DCDC2: variants seen among roughly 807,000 people sequenced by gnomAD.
The protein encoded by DCDC2 is doublecortin domain containing 2, also known as doublecortin domain-containing protein 2.
DCDC2 carries 40 observed loss-of-function variants against 50.2 expected under a neutral mutation model. The ratio of observed to expected loss-of-function variants is 0.80; its 90% CI spans 0.62 to 1.04. DCDC2 has a LOEUF of 1.04. Among genes scored for constraint, DCDC2 ranks in the 50% least tolerant of loss-of-function variants. DCDC2 has a pLI of 0.00. For synonymous variants in DCDC2, 234 were observed against 210.6 expected (o/e 1.11, Z -0.96); for missense variants, 570 against 581.9 (o/e 0.98, Z 0.21).
At chr6:24,373,620 T>C in the DCDC2 span, among the ~76,000 whole-genome samples, 1 of 152,166 alleles carries the variant, frequency 6.6e-6, no homozygotes, top group Non-Finnish European at 1.5e-5. Flanking sequence ...CATCGGGATG[T>C]AGACTGGGGA....
At chr6:24,314,401 C>T (rs1452880924) in intron 2 of DCDC2, among the ~76,000 whole-genome samples, 3 of 151,902 alleles carry the variant, frequency 2.0e-5, no homozygotes, top group Non-Finnish European at 4.4e-5. Flanking sequence ...TGAGCCTAGG[C>T]GTTCCAGGTT....
chr6:24,292,517 T>G (rs1480410644), intron 4 of DCDC2, among the ~76,000 whole-genome samples: 3 of 152,260 alleles, frequency 2.0e-5, no homozygotes, highest in Non-Finnish European at 4.4e-5. Flanking sequence ...TATAACATTG[T>G]ACCTCTACTC....
intron 2 of DCDC2, among the ~76,000 whole-genome samples, chr6:24,337,349 A>G (rs1412657963): frequency 6.6e-6 from 1 of 152,194 alleles, no homozygotes; most frequent in Non-Finnish European, 1.5e-5. Context: ...CAGATATGCC[A>G]AAGCCTTTTC....
rs1370865359 is a variant in DCDC2 at position 24,173,735 on chromosome 6, C to T, written c.*995G>A. On this transcript the variant is annotated 3_prime_UTR_variant, in exon 10 of 10. Transcript: ENST00000378454. ...GGAAAAATAAATATTTGCTGATATCCCTAGGGCAAAAACATAGTAAAACAG... is the reference window on the plus strand; with the variant it reads ...GGAAAAATAAATATTTGCTGATATCTCTAGGGCAAAAACATAGTAAAACAG... 1 of 151,966 alleles carries T rather than the reference C, an allele frequency of 6.6e-6. No individual in the cohort carries two copies. Among genetic ancestry groups the T allele is most frequent in the Non-Finnish European group, 1.5e-5 (1 of 68,002 alleles). The allele number at this position is 151,966 out of a possible 1,614,324, so 9.4% of individuals were successfully genotyped here.
intron 7 of DCDC2, among the ~76,000 whole-genome samples, chr6:24,268,979 C>G (rs554038461): frequency 1.1e-4 from 16 of 152,162 alleles, no homozygotes; most frequent in Non-Finnish European, 1.9e-4. Context: ...TAGCTTTAAA[C>G]CTACAAAGCT....
At chr6:24,315,050 T>G (rs1759636669) in intron 2 of DCDC2, among the ~76,000 whole-genome samples, 1 of 152,162 alleles carries the variant, frequency 6.6e-6, no homozygotes, top group Non-Finnish European at 1.5e-5. Context: ...TTCATGTCCG[T>G]TTTCCCCATT....
intron 2 of DCDC2, among the ~76,000 whole-genome samples, chr6:24,320,491 C>A (rs1173032263): frequency 1.3e-5 from 2 of 152,092 alleles, no homozygotes; most frequent in African/African-American, 4.8e-5. Context: ...GCCACCACAA[C>A]TGGCTAATTT....
At chr6:24,302,643 T>C (rs1246838903) in intron 2 of DCDC2, among the ~76,000 whole-genome samples, 9 of 151,200 alleles carry the variant, frequency 6.0e-5, no homozygotes, top group Admixed American at 5.2e-4. Context: ...GTGATCACCT[T>C]TGCCTCTCTT....
At chr6:24,275,866 ATTTTTTTTTT>A (rs10685261) in intron 7 of DCDC2, among the ~76,000 whole-genome samples, 2 of 108,120 alleles carry the variant, frequency 1.8e-5, no homozygotes, top group Admixed American at 1.2e-4. Context: ...CAATAATTCA[ATTTTTTTTTT>A]TTTTTTTTTT....
intron 7 of DCDC2, among the ~76,000 whole-genome samples, chr6:24,235,854 A>C (rs1762431352): frequency 6.6e-6 from 1 of 152,216 alleles, no homozygotes; most frequent in African/African-American, 2.4e-5. Flanking sequence ...AATCCCATTT[A>C]CAATAGCCAT....
At chr6:24,220,873 A>AGAGCGAGAGCGAGAGAGCGAGCGAGC (rs1762085010) in intron 7 of DCDC2, among the ~76,000 whole-genome samples, 1 of 143,670 alleles carries the variant, frequency 7.0e-6, no homozygotes, top group African/African-American at 2.5e-5. Flanking sequence ...AGAGAGCAAG[A>AGAGCGAGAGCGAGAGAGCGAGCGAGC]GAGCGAGAGC....
intron 7 of DCDC2, among the ~76,000 whole-genome samples, chr6:24,218,646 C>T (rs1436737906): frequency 1.3e-5 from 2 of 152,138 alleles, no homozygotes; most frequent in Non-Finnish European, 2.9e-5. Flanking sequence ...CATCATCACA[C>T]CTGACTAATT....
chr6:24,380,095 T>C, the DCDC2 span, among the ~76,000 whole-genome samples: 83,824 of 151,446 alleles, frequency 0.55, 24,775 homozygotes, highest in East Asian at 0.8. Context: ...ATGTAAATGA[T>C]GGGTTGATGG....
chr6:24,217,158 G>A (rs1268075634), intron 7 of DCDC2, among the ~76,000 whole-genome samples: 1 of 151,776 alleles, frequency 6.6e-6, no homozygotes, highest in Non-Finnish European at 1.5e-5. Context: ...AATAGCCAAA[G>A]AGAAATCAGG....
At chr6:24,359,476 T>C (rs1446734635), upstream of DCDC2, among the ~76,000 whole-genome samples, 2 of 6,626 alleles carry the variant, frequency 3.0e-4, no homozygotes, top group Non-Finnish European at 4.9e-4. Flanking sequence ...ATATAATATA[T>C]ATTTTATATA....
rs187190513 is a variant in DCDC2, at chr6:24,267,051, G to C, written c.922+10998C>G. On this transcript the variant is annotated intron_variant, in intron 7 of 9. Coordinates refer to ENST00000378454, the MANE Select transcript of DCDC2 (RefSeq NM_016356.5). Reference sequence around the variant, plus strand: ...TCATTATGTTAAGTGAAATAATCCAGGCACAAAGACAAACTTTGCATGTTC... The same window carrying C: ...TCATTATGTTAAGTGAAATAATCCACGCACAAAGACAAACTTTGCATGTTC... Among the ~76,000 whole-genome samples the C allele has an allele frequency of 1.2e-4, 18 of 152,236 alleles. No individual in the cohort carries two copies. The East Asian group carries it at 3.5e-3, about 29-fold the overall frequency.
intron 7 of DCDC2, among the ~76,000 whole-genome samples, chr6:24,260,795 G>T (rs558130708): frequency 6.6e-6 from 1 of 152,202 alleles, no homozygotes; most frequent in East Asian, 1.9e-4. Flanking sequence ...AAGTGCCAGA[G>T]AAAATATGGA....
chr6:24,301,230 G>C (rs1346992148), intron 4 of DCDC2, among the ~76,000 whole-genome samples: 3 of 151,792 alleles, frequency 2.0e-5, no homozygotes, highest in Admixed American at 1.3e-4. Flanking sequence ...AATTAGCCGG[G>C]CGTGGTGGTG....
At chr6:24,342,425 C>A (rs1760175326) in intron 2 of DCDC2, among the ~76,000 whole-genome samples, 1 of 152,164 alleles carries the variant, frequency 6.6e-6, no homozygotes, top group African/African-American at 2.4e-5. Flanking sequence ...CGGACTGCTG[C>A]CAGTCACTCC....
Sources: allele counts gnomAD v4.1 joint callset (sites outside exome capture counted in the v4.1 genomes callset), GRCh38; gene constraint gnomAD v4.1.1; transcripts MANE v1.5; gene names NCBI Gene and HGNC (gene_info 2026-07-23, HGNC 2026-07-21).